Variants in NUP155 observed in about 807,000 individuals in gnomAD.
NUP155 encodes nucleoporin 155.
A neutral mutation model predicts 180.4 loss-of-function variants in NUP155; 71 were observed. The observed-to-expected ratio is 0.39, with a 90% confidence interval of 0.33 to 0.48. The LOEUF (loss-of-function observed/expected upper bound fraction) is 0.48, where lower values mean the gene tolerates loss of function less well. Ranked by LOEUF, NUP155 falls within the 20% of genes least tolerant of loss-of-function variation. The pLI is 0.91. For missense variants in NUP155, 1,553 were observed against 1,648.9 expected (o/e 0.94, Z 1.01); for synonymous variants, 582 against 559.5 (o/e 1.04, Z -0.57).
intron 21 of NUP155, 60 bp downstream of exon 21, chr5:37,317,928 T>A: frequency 4.5e-6 from 4 of 881,414 alleles, no homozygotes; most frequent in Non-Finnish European, 7.8e-6. Context: ...TGTTTTCTAT[T>A]CAAGTAATAA....
At chr5:37,309,642 G>A (rs1743403293) in intron 23 of NUP155, 1 of 196,000 alleles carries the variant, frequency 5.1e-6, no homozygotes, top group Admixed American at 5.4e-5. Context: ...TGAAGTTTTA[G>A]TACTTTTCCT....
chr5:37,324,614 G>A (rs534034960), intron 19 of NUP155, among the ~76,000 whole-genome samples: 6 of 151,730 alleles, frequency 4.0e-5, no homozygotes, highest in Non-Finnish European at 7.4e-5. Context: ...GTGTAGTGGC[G>A]CGGATCATAT....
In NUP155 at chr5:37,307,289, G is replaced by C; in HGVS notation, c.2903+8C>G. 1 of 1,613,318 alleles carries C rather than the reference G, an allele frequency of 6.2e-7. No homozygotes were observed. On this transcript the variant is annotated splice_region_variant and intron_variant, in intron 25 of 34. Coordinates refer to ENST00000231498, the MANE Select transcript of NUP155 (RefSeq NM_153485.3). Reference sequence around the variant, plus strand: ...AAGATGACAATCTGCTAACGTAATGGAATGCACCTTTCTTGGAAGGCCTGA... The same window carrying C: ...AAGATGACAATCTGCTAACGTAATGCAATGCACCTTTCTTGGAAGGCCTGA...
At chr5:37,329,156 T>G in intron 16 of NUP155, 34 bp downstream of exon 16, 1 of 1,508,610 alleles carries the variant, frequency 6.6e-7, no homozygotes. Context: ...TTCAAACGAT[T>G]AGAAACAATT....
At chr5:37,292,459 C>T (rs575557078) in intron 34 of NUP155, among the ~76,000 whole-genome samples, 1 of 152,246 alleles carries the variant, frequency 6.6e-6, no homozygotes, top group Admixed American at 6.5e-5. Context: ...TCATGATCCG[C>T]CCATCTCAGC....
chr5:37,327,239 A>G (rs2150963444), intron 18 of NUP155: 2 of 276,158 alleles, frequency 7.2e-6, no homozygotes, highest in East Asian at 2.0e-4. Context: ...AAACACAAAA[A>G]ACATACAAAA....
chr5:37,364,838 G>A (rs6871258), intron 1 of NUP155, among the ~76,000 whole-genome samples: 16,470 of 151,426 alleles, frequency 0.11, 2,938 homozygotes, highest in African/African-American at 0.37. Context: ...GGGTTTCACC[G>A]TGTTAGCCAG....
Position 37,331,671 on chromosome 5 carries a change from G to A in NUP155, c.1629+14C>T, listed in dbSNP as rs1184212524. 4 of 1,439,894 alleles carry A rather than the reference G, an allele frequency of 2.8e-6. No individual in the cohort carries two copies. The African/African-American group carries it at 5.6e-5, about 20-fold the overall frequency. The allele number at this position is 1,439,894 out of a possible 1,614,324, so 89.2% of individuals were successfully genotyped here. A position where few individuals can be genotyped will look rare whatever the true frequency, so the allele number is the denominator to read the frequency against. ...TAAAATAGCATCACATTTTTTAAAA[G>A]TATATATAATTACCTGATGTAATTT... On this transcript the variant is annotated intron_variant, in intron 14 of 34. Coordinates refer to ENST00000231498, the MANE Select transcript of NUP155 (RefSeq NM_153485.3).
At position 37,352,834 on chromosome 5, in the gene NUP155, G is replaced by A; in HGVS notation, c.464-5C>T. On this transcript the variant is annotated splice_polypyrimidine_tract_variant and splice_region_variant and intron_variant, in intron 4 of 34. Transcript: ENST00000231498. ...GCACATGAGGTTGAAAGATGCCTAA[G>A]ATAAAGTAGACACAGGGCAGGAATA... The A allele has an allele frequency of 6.2e-7, 1 of 1,603,648 alleles. No homozygotes were observed. Among genetic ancestry groups the A allele is most frequent in the Non-Finnish European group, 8.5e-7 (1 of 1,170,650 alleles).
chr5:37,329,067 AT>A (rs1744787413), intron 16 of NUP155, 122 bp downstream of exon 16: 1 of 725,460 alleles, frequency 1.4e-6, no homozygotes, highest in Non-Finnish European at 2.4e-6. Flanking sequence ...CTATAGATGT[AT>A]TCATCAATTA....
chr5:37,328,505 T>G, intron 16 of NUP155, 85 bp from the exon 17 acceptor site: 12 of 1,047,108 alleles, frequency 1.1e-5, no homozygotes, highest in Non-Finnish European at 1.6e-5. Flanking sequence ...AAGAAGGTAT[T>G]TCCTTTTTCT....
chr5:37,310,454 TCTAA>T, intron 23 of NUP155, 94 bp downstream of exon 23: 1 of 932,838 alleles, frequency 1.1e-6, no homozygotes, highest in Non-Finnish European at 1.7e-6. Context: ...GGTTAAGAGA[TCTAA>T]CTGACTGAGG....
At chr5:37,342,392 A>T (rs949849000) in intron 10 of NUP155, 157 bp downstream of exon 10, 6 of 590,388 alleles carry the variant, frequency 1.0e-5, no homozygotes, top group African/African-American at 3.8e-5. Context: ...GAATTAGAAA[A>T]ATCTCCCAGT....
At position 37,290,505 on chromosome 5, in the gene NUP155, T is replaced by TA. The variant is rs1426145391; in HGVS notation, c.*1394dup. 1 of 151,272 alleles carries TA rather than the reference T, an allele frequency of 6.6e-6. No homozygotes were observed. Among genetic ancestry groups the TA allele is most frequent in the Non-Finnish European group, 1.5e-5 (1 of 67,824 alleles). The allele number at this position is 151,272 out of a possible 1,614,324, so 9.4% of individuals were successfully genotyped here. On this transcript the variant is annotated 3_prime_UTR_variant, in exon 35 of 35. Coordinates refer to ENST00000231498, the MANE Select transcript of NUP155 (RefSeq NM_153485.3). ...AAAAAAAAAAAAAGAGAGAAAGGAA[T>TA]AGAGTGTTTTGTTAGCTCTGGTCAT... is the stretch of plus-strand genomic sequence containing the variant.
chr5:37,303,328 C>T lies in NUP155; in HGVS notation c.3249G>A (p.Arg1083=). 2.5e-6 allele frequency: 4 copies of T among 1,614,118 alleles called. No homozygotes were observed. The South Asian group carries it at 3.3e-5, about 13-fold the overall frequency. ...NRVRYMDLLW[R]YYEKNRSFSN... is the part of the protein sequence containing the mutation. ...TGAAACTTCTGTTCTTCTCGTAATA[C>T]CGCCAGAGTAAATCCATATAACGAA... The change falls in exon 28 of 35, where the codon CGG becomes CGA. Residue 1083 remains arginine (R), a synonymous_variant. Coordinates refer to ENST00000231498, the MANE Select transcript of NUP155 (RefSeq NM_153485.3).
At chr5:37,337,346 C>A in intron 12 of NUP155, among the ~76,000 whole-genome samples, 1 of 151,844 alleles carries the variant, frequency 6.6e-6, no homozygotes, top group Non-Finnish European at 1.5e-5. Flanking sequence ...GTTCAATTGA[C>A]TCTTCAAACT....
chr5:37,357,569 TAC>T (rs758007562), intron 4 of NUP155, among the ~76,000 whole-genome samples: 3 of 152,202 alleles, frequency 2.0e-5, no homozygotes, highest in South Asian at 4.1e-4. Flanking sequence ...TTCAAAAAAT[TAC>T]AGTTTAACAT....
intron 23 of NUP155, 54 bp downstream of exon 23, chr5:37,310,498 T>A (rs761418946): frequency 2.0e-5 from 28 of 1,433,932 alleles, no homozygotes; most frequent in Non-Finnish European, 2.3e-5. Context: ...AGATGGTTCA[T>A]CATACATGAT....
At chr5:37,307,255 G>C (rs764748371) in intron 25 of NUP155, 42 bp downstream of exon 25, 1 of 1,576,746 alleles carries the variant, frequency 6.3e-7, no homozygotes, top group Admixed American at 1.7e-5. Flanking sequence ...AGAAAAGTCT[G>C]TATCCATAAA....
Sources: allele counts gnomAD v4.1 joint callset (sites outside exome capture counted in the v4.1 genomes callset), GRCh38; gene constraint gnomAD v4.1.1; transcripts MANE v1.5; gene names NCBI Gene and HGNC (gene_info 2026-07-23, HGNC 2026-07-21).